The following PALMD variants were observed in gnomAD, a reference collection of about 807,000 sequenced individuals.
PALMD encodes the protein paralemmin-like protein.
PALMD carries 42 observed loss-of-function variants against 56.2 expected under a neutral mutation model. The ratio of observed to expected loss-of-function variants is 0.75; its 90% CI spans 0.58 to 0.97. The LOEUF is 0.97. PALMD is among the 50% of genes least tolerant of loss of function. PALMD has a pLI of 0.00. For missense variants in PALMD, 660 were observed against 643.8 expected (o/e 1.03, Z -0.27); for synonymous variants, 242 against 222.9 (o/e 1.09, Z -0.76).
chr1:99,646,128 C>T lies in PALMD; in HGVS notation c.-190C>T. Reference sequence around the variant, plus strand: ...GCACACCCTCATTACATGTGTCTGTCTGGCCTGATCTGTGCATCTGCTCGG... The same window carrying T: ...GCACACCCTCATTACATGTGTCTGTTTGGCCTGATCTGTGCATCTGCTCGG... On this transcript the variant is annotated 5_prime_UTR_variant, in exon 1 of 8. Coordinates refer to ENST00000263174, the MANE Select transcript of PALMD (RefSeq NM_017734.5). 1.7e-6 allele frequency: 1 copy of T among 593,598 alleles called. No homozygotes were observed. The highest frequency in any genetic ancestry group is 3.0e-6 in the Non-Finnish European group (1 of 332,388). The allele number at this position is 593,598 out of a possible 1,614,324, so 36.8% of individuals were successfully genotyped here. A position where few individuals can be genotyped will look rare whatever the true frequency, so the allele number is the denominator to read the frequency against.
chr1:99,667,697 A>G lies in PALMD; in HGVS notation c.182A>G (p.Gln61Arg), dbSNP rs139769545. 1.2e-6 allele frequency: 2 copies of G among 1,613,370 alleles called. No homozygotes were observed. Among genetic ancestry groups the G allele is most frequent in the African/African-American group, 1.3e-5 (1 of 74,892 alleles). The stretch of plus-strand genomic sequence containing the variant: ...GATGGAATCAGCAGCGGAAAAGAAC[A>G]GGAAGAGATGAAGAAGCAAAATCAA... ...LLDGISSGKE[Q>R]EEMKKQNQQD... Residue 61 changes from glutamine to arginine, a missense_variant, in exon 3 of 8, where the codon CAG (glutamine) becomes CGG (arginine). Physicochemically the swap from Gln to Arg is conservative, Grantham distance 43. Transcript: ENST00000263174.
chr1:99,687,223 T>A, intron 6 of PALMD, 34 bp downstream of exon 6: 1 of 1,566,046 alleles, frequency 6.4e-7, no homozygotes, highest in East Asian at 2.3e-5. Flanking sequence ...GGGCATGTTC[T>A]TAATTTCAGA....
intron 7 of PALMD, 188 bp downstream of exon 7, chr1:99,690,060 G>A: frequency 1.9e-6 from 1 of 517,672 alleles, no homozygotes; most frequent in East Asian, 3.1e-5. Context: ...AAAAGATAAA[G>A]AAAGTAAAAA....
intron 1 of PALMD, among the ~76,000 whole-genome samples, chr1:99,649,012 T>C (rs1652508620): frequency 6.6e-6 from 1 of 152,292 alleles, no homozygotes; most frequent in East Asian, 1.9e-4. Flanking sequence ...GTAAATTGAA[T>C]TTTAGATTAG....
chr1:99,663,461 G>A (rs1473430752), intron 2 of PALMD, among the ~76,000 whole-genome samples: 1 of 151,992 alleles, frequency 6.6e-6, no homozygotes, highest in African/African-American at 2.4e-5. Context: ...AGTTGTTCCA[G>A]TGCAATTCAA....
chr1:99,669,919 G>A (rs1653047999), intron 3 of PALMD: 1 of 152,220 alleles, frequency 6.6e-6, no homozygotes, highest in Admixed American at 6.5e-5. Flanking sequence ...ATAACCCGGT[G>A]AGGGTAGGTA....
rs576400359 is a variant in PALMD at position 99,659,432 on chromosome 1, T to C, written c.46-2887T>C. Among the ~76,000 whole-genome samples, 138 of 152,332 alleles carry C rather than the reference T, an allele frequency of 9.1e-4. 2 individuals carry two copies. The Middle Eastern group carries it at 0.01, about 11-fold the overall frequency. On this transcript the variant is annotated intron_variant, in intron 1 of 7. Coordinates refer to ENST00000263174, the MANE Select transcript of PALMD (RefSeq NM_017734.5). ...TGAGAAATAAGCAACAATATGTTATTCATAATGGTTACATTAATAACCAGT... is the reference window on the plus strand; with the variant it reads ...TGAGAAATAAGCAACAATATGTTATCCATAATGGTTACATTAATAACCAGT...
intron 6 of PALMD, among the ~76,000 whole-genome samples, chr1:99,687,603 T>C (rs1337211150): frequency 6.6e-6 from 1 of 152,170 alleles, no homozygotes; most frequent in Non-Finnish European, 1.5e-5. Flanking sequence ...TACATAAAAC[T>C]GATGCTTCAA....
At chr1:99,684,764 G>A (rs915972329) in intron 3 of PALMD, 1 of 152,318 alleles carries the variant, frequency 6.6e-6, no homozygotes, top group Non-Finnish European at 1.5e-5. Flanking sequence ...CAATCTTCCT[G>A]CCTCAGCTTC....
At chr1:99,668,899 AAATATTTAAAAGATGGAATTTCTTGTGTT>A (rs1653026386) in intron 3 of PALMD, 1 of 152,230 alleles carries the variant, frequency 6.6e-6, no homozygotes, top group South Asian at 2.1e-4. Flanking sequence ...TACAAAGGGA[AAATATTTAAAAGATGGAATTTCTTGTGTT>A]ATAATCACGA....
chr1:99,647,672 G>A (rs1652473361), intron 1 of PALMD, among the ~76,000 whole-genome samples: 1 of 152,332 alleles, frequency 6.6e-6, no homozygotes. Flanking sequence ...CTGCTCTGTT[G>A]TTTTTGGCAT....
chr1:99,646,224 T>TCTTCTGTCACCCCCG lies in PALMD; in HGVS notation c.-91_-77dup. ...CAAAGAGCGGATTTCTCCCTGCTTC[T>TCTTCTGTCACCCCCG]CTTCTGTCACCCCCGCTCCTCTCCC... On this transcript the variant is annotated 5_prime_UTR_variant, in exon 1 of 8. Transcript: ENST00000263174. 1 of 961,996 alleles carries TCTTCTGTCACCCCCG rather than the reference T, an allele frequency of 1.0e-6. No homozygotes were observed. The highest frequency in any genetic ancestry group is 1.3e-5 in the South Asian group (1 of 76,100). 59.6% of individuals were successfully genotyped at this position (961,996 alleles called of 1,614,324 possible). A position where few individuals can be genotyped will look rare whatever the true frequency, so the allele number is the denominator to read the frequency against.
At chr1:99,663,542 T>C (rs1652899578) in intron 2 of PALMD, among the ~76,000 whole-genome samples, 1 of 151,906 alleles carries the variant, frequency 6.6e-6, no homozygotes, top group Non-Finnish European at 1.5e-5. Flanking sequence ...AGAGGTCATT[T>C]GCTCTCCTTT....
At chr1:99,650,884 C>T (rs1169485001) in intron 1 of PALMD, among the ~76,000 whole-genome samples, 4 of 152,154 alleles carry the variant, frequency 2.6e-5, no homozygotes, top group Non-Finnish European at 4.4e-5. Flanking sequence ...GTAAACTAGT[C>T]TGTGTCTTTA....
intron 1 of PALMD, among the ~76,000 whole-genome samples, chr1:99,662,062 A>G (rs3766582): frequency 0.11 from 16,725 of 152,174 alleles, 1,344 homozygotes; most frequent in African/African-American, 0.2. Context: ...ACTAATGGGG[A>G]AGAAGGAAAA....
At chr1:99,669,922 G>A (rs558245280) in intron 3 of PALMD, 4 of 152,274 alleles carry the variant, frequency 2.6e-5, no homozygotes, top group African/African-American at 7.2e-5. Flanking sequence ...ACCCGGTGAG[G>A]GTAGGTATTA....
chr1:99,679,058 A>G (rs973367509), intron 3 of PALMD, among the ~76,000 whole-genome samples: 4 of 152,058 alleles, frequency 2.6e-5, no homozygotes, highest in African/African-American at 9.7e-5. Context: ...CCTCAGAGGC[A>G]CATCAGTAGT....
intron 2 of PALMD, among the ~76,000 whole-genome samples, chr1:99,665,384 C>A (rs1652939408): frequency 6.6e-6 from 1 of 152,114 alleles, no homozygotes; most frequent in African/African-American, 2.4e-5. Context: ...AGCAAAATAA[C>A]TCTTTTGATT....
chr1:99,693,313 C>T (rs967000642), intron 7 of PALMD, among the ~76,000 whole-genome samples: 6 of 152,082 alleles, frequency 3.9e-5, no homozygotes, highest in African/African-American at 1.4e-4. Context: ...CACTGAAATC[C>T]TAAATAATAA....
Sources: allele counts gnomAD v4.1 joint callset (sites outside exome capture counted in the v4.1 genomes callset), GRCh38; gene constraint gnomAD v4.1.1; transcripts MANE v1.5; gene names NCBI Gene and HGNC (gene_info 2026-07-23, HGNC 2026-07-21).